The following RASSF5 variants were observed in gnomAD, a reference collection of about 807,000 sequenced individuals.
RASSF5 encodes the protein Ras association domain family member 5, also known as ras association domain-containing protein 5.
Under a neutral mutation model 40.5 loss-of-function variants are expected in RASSF5, and 25 were observed. The ratio of observed to expected loss-of-function variants is 0.62; its 90% CI spans 0.45 to 0.86. RASSF5 has a LOEUF of 0.86. RASSF5 is among the 40% of genes least tolerant of loss of function. The pLI, the probability that RASSF5 is intolerant of heterozygous loss-of-function variation, is 0.00. For missense variants in RASSF5, 521 were observed against 572.8 expected (o/e 0.91, Z 0.92); for synonymous variants, 246 against 252.4 (o/e 0.97, Z 0.24).
intron 2 of RASSF5, among the ~76,000 whole-genome samples, chr1:206,558,236 CA>C (rs375531533): frequency 3.0e-4 from 45 of 152,324 alleles, no homozygotes; most frequent in African/African-American, 1.1e-3. Flanking sequence ...AGGCTGCTGT[CA>C]TGCTACCACT....
intron 2 of RASSF5, among the ~76,000 whole-genome samples, chr1:206,573,601 T>G (rs562057756): frequency 2.1e-4 from 32 of 152,392 alleles, no homozygotes; most frequent in Admixed American, 3.9e-4. Context: ...TATTTCCTAT[T>G]TGCCTCATGT....
intron 1 of RASSF5, among the ~76,000 whole-genome samples, chr1:206,511,990 G>T (rs1440727180): frequency 6.6e-6 from 1 of 152,190 alleles, no homozygotes; most frequent in East Asian, 1.9e-4. Context: ...ATCCTGTGTT[G>T]TTCTGGCGGC....
At chr1:206,568,423 G>A (rs1172562177) in intron 2 of RASSF5, among the ~76,000 whole-genome samples, 3 of 152,198 alleles carry the variant, frequency 2.0e-5, no homozygotes, top group Non-Finnish European at 2.9e-5. Flanking sequence ...CACTTCCCCA[G>A]TGGTCAGCGC....
intron 1 of RASSF5, among the ~76,000 whole-genome samples, chr1:206,510,459 C>T (rs146146520): frequency 1.3e-5 from 2 of 152,278 alleles, no homozygotes; most frequent in African/African-American, 4.8e-5. Flanking sequence ...ATAAGGCACT[C>T]AGAACAGGGC....
chr1:206,563,310 T>C (rs1448495943), intron 2 of RASSF5, among the ~76,000 whole-genome samples: 1 of 152,166 alleles, frequency 6.6e-6, no homozygotes, highest in Non-Finnish European at 1.5e-5. Context: ...CCTGCCACCG[T>C]TTCTGCGCCA....
At chr1:206,570,078 CTTTTTTTTTTTTTT>C (rs375900760) in intron 2 of RASSF5, among the ~76,000 whole-genome samples, 2 of 119,378 alleles carry the variant, frequency 1.7e-5, no homozygotes, top group African/African-American at 6.6e-5. Flanking sequence ...TAAAATTTAC[CTTTTTTTTTTTTTT>C]TTTTTTTTTT....
intron 2 of RASSF5, among the ~76,000 whole-genome samples, chr1:206,555,952 C>A (rs1405141957): frequency 6.6e-6 from 1 of 152,184 alleles, no homozygotes; most frequent in Non-Finnish European, 1.5e-5. Context: ...TCTAGTCCTC[C>A]ACCCAGCTTA....
chr1:206,567,668 G>A (rs1668324573), intron 2 of RASSF5, among the ~76,000 whole-genome samples: 1 of 152,202 alleles, frequency 6.6e-6, no homozygotes, highest in Non-Finnish European at 1.5e-5. Flanking sequence ...GCCATTTTGA[G>A]AAACACAGTT....
Position 206,513,095 on chromosome 1 carries a change from G to A in RASSF5, c.457+5036G>A, listed in dbSNP as rs138072699. Among the ~76,000 whole-genome samples, 710 of 152,276 alleles carry A rather than the reference G, an allele frequency of 4.7e-3. 2 individuals carry two copies. Among genetic ancestry groups the A allele is most frequent in the African/African-American group, 0.011 (462 of 41,564 alleles). ...CTCAGGCCCTCAAGCCATTTCCCCCGCTTTGGGCTTCAGAGTCAGCACCTC... is the reference window on the plus strand; with the variant it reads ...CTCAGGCCCTCAAGCCATTTCCCCCACTTTGGGCTTCAGAGTCAGCACCTC... On this transcript the variant is annotated intron_variant, in intron 1 of 5. Transcript: ENST00000579436. The surrounding 1 kb of genome is among the most constrained non-coding windows in gnomAD (Gnocchi z 5.0).
Position 206,589,315 on chromosome 1 carries a change from C to A in RASSF5, c.*2337C>A, listed in dbSNP as rs554324155. 1 of 152,746 alleles carries A rather than the reference C, an allele frequency of 6.5e-6. No individual in the cohort carries two copies. The highest frequency in any genetic ancestry group is 2.4e-5 in the African/African-American group (1 of 41,430). 9.5% of individuals were successfully genotyped at this position (152,746 alleles called of 1,614,324 possible). ...GTCTCCCTTGAACTTCACCATCTTA[C>A]GGACACTGGGAGCGGGGGAGAGAGG... On this transcript the variant is annotated 3_prime_UTR_variant, in exon 6 of 6. Coordinates refer to ENST00000579436, the MANE Select transcript of RASSF5 (RefSeq NM_182663.4).
intron 1 of RASSF5, 50 bp downstream of exon 1, chr1:206,508,109 G>C: frequency 7.7e-7 from 1 of 1,294,162 alleles, no homozygotes; most frequent in South Asian, 1.9e-5. Flanking sequence ...CAGTCTGGGG[G>C]CGAAGGACTG....
At chr1:206,583,528 C>G in intron 3 of RASSF5, 149 bp downstream of exon 3, 1 of 627,642 alleles carries the variant, frequency 1.6e-6, no homozygotes, top group Non-Finnish European at 2.9e-6. Flanking sequence ...GTCTGGAAGG[C>G]TGATAGCCAG....
chr1:206,538,536 G>T (rs939175758), intron 2 of RASSF5, among the ~76,000 whole-genome samples: 4 of 152,194 alleles, frequency 2.6e-5, no homozygotes, highest in African/African-American at 9.7e-5. Flanking sequence ...GTGGCTTAGG[G>T]CTCTGAGCCA....
chr1:206,546,088 T>TA (rs1667680235), intron 2 of RASSF5, among the ~76,000 whole-genome samples: 2 of 60,224 alleles, frequency 3.3e-5, no homozygotes, highest in African/African-American at 1.2e-4. Flanking sequence ...CTTCTTTTTC[T>TA]ATTTTTTTTT....
intron 4 of RASSF5, 27 bp from the exon 5 acceptor site, chr1:206,585,153 C>A: frequency 2.6e-6 from 4 of 1,568,222 alleles, no homozygotes; most frequent in African/African-American, 1.4e-5. Context: ...CTGGGAAGAG[C>A]TCCCAGCACC....
intron 1 of RASSF5, among the ~76,000 whole-genome samples, chr1:206,520,868 CTT>C (rs1225413506): frequency 4.0e-4 from 61 of 152,298 alleles, no homozygotes; most frequent in African/African-American, 1.3e-3. Flanking sequence ...CCCAGGAAGA[CTT>C]TTCATAACTG....
chr1:206,524,654 T>A (rs1354148187), intron 1 of RASSF5, among the ~76,000 whole-genome samples: 16 of 133,070 alleles, frequency 1.2e-4, no homozygotes, highest in Admixed American at 1.7e-4. Flanking sequence ...TATTATATAT[T>A]ATGTATAATA....
intron 2 of RASSF5, among the ~76,000 whole-genome samples, chr1:206,545,384 CTT>C (rs1189209328): frequency 8.2e-5 from 11 of 134,532 alleles, no homozygotes; most frequent in African/African-American, 2.8e-4. Flanking sequence ...GGGTCTCACT[CTT>C]TTCACCCAGG....
rs1468157771 is a variant in RASSF5, at chr1:206,535,669, T to C, written c.458-2503T>C. Among the ~76,000 whole-genome samples, 2 of 151,662 alleles carry C rather than the reference T, an allele frequency of 1.3e-5. No homozygotes were observed. Among genetic ancestry groups the C allele is most frequent in the African/African-American group, 2.4e-5 (1 of 41,212 alleles). ...CTACTTAGTGTTGTCCAGCTCAGCATGGTGATGTTTTCAGGGTGTGTGTGT... is the reference window on the plus strand; with the variant it reads ...CTACTTAGTGTTGTCCAGCTCAGCACGGTGATGTTTTCAGGGTGTGTGTGT... On this transcript the variant is annotated intron_variant, in intron 1 of 5. Transcript: ENST00000579436. The surrounding 1 kb of genome is among the most constrained non-coding windows in gnomAD (Gnocchi z 5.0).
Sources: allele counts gnomAD v4.1 joint callset (sites outside exome capture counted in the v4.1 genomes callset), GRCh38; gene constraint gnomAD v4.1.1; non-coding constraint Gnocchi (gnomAD v3.1); transcripts MANE v1.5; gene names NCBI Gene and HGNC (gene_info 2026-07-23, HGNC 2026-07-21).